The following SRGAP2B variants were observed in gnomAD, a reference collection of about 807,000 sequenced individuals.
The protein encoded by SRGAP2B is SLIT-ROBO Rho GTPase-activating protein 2B.
Under a neutral mutation model 22.2 loss-of-function variants are expected in SRGAP2B, and 9 were observed. The ratio of observed to expected loss-of-function variants is 0.41; its 90% CI spans 0.24 to 0.71. The LOEUF (loss-of-function observed/expected upper bound fraction) is 0.71, where lower values mean the gene tolerates loss of function less well. SRGAP2B is among the 30% of genes least tolerant of loss of function. The pLI, the probability that SRGAP2B is intolerant of heterozygous loss-of-function variation, is 0.35. For missense variants in SRGAP2B, 114 were observed against 235.8 expected (o/e 0.48, Z 3.38); for synonymous variants, 36 against 87.4 (o/e 0.41, Z 3.28).
chr1:144,942,892 T>TA (rs1666164525), intron 4 of SRGAP2B, among the ~76,000 whole-genome samples: 1 of 143,836 alleles, frequency 7.0e-6, no homozygotes, highest in Admixed American at 7.0e-5. Flanking sequence ...TCATGTGATT[T>TA]AAAAAATGTA....
intron 2 of SRGAP2B, among the ~76,000 whole-genome samples, chr1:145,007,688 A>G (rs1170159742): frequency 3.3e-5 from 5 of 150,774 alleles, no homozygotes; most frequent in Non-Finnish European, 7.4e-5. Flanking sequence ...CTATTCTGTA[A>G]AATTTTGTTA....
Position 145,007,515 on chromosome 1 carries a change from G to T in SRGAP2B, c.68-12315C>A, listed in dbSNP as rs1553621320. Among the ~76,000 whole-genome samples, 2 of 150,692 alleles carry T rather than the reference G, an allele frequency of 1.3e-5. 1 individual carries two copies. Among genetic ancestry groups the T allele is most frequent in the Non-Finnish European group, 2.9e-5 (2 of 67,946 alleles). On this transcript the variant is annotated intron_variant, in intron 2 of 9. Transcript: ENST00000612199. ...CATTTCTTCTTGAAGGCAATAGCAG[G>T]AAAAAGTCCATGCCATCATCTAGAG...
chr1:145,094,118 G>A (rs1201751327), intron 1 of SRGAP2B, among the ~76,000 whole-genome samples: 1 of 89,640 alleles, frequency 1.1e-5, no homozygotes, highest in Non-Finnish European at 2.1e-5. Flanking sequence ...TCAAGCTAGG[G>A]ACGATAGTGA....
At chr1:144,904,967 C>T in intron 7 of SRGAP2B, 124 bp downstream of exon 7, 1 of 556,650 alleles carries the variant, frequency 1.8e-6, no homozygotes. Context: ...TGGATCATGG[C>T]TGCTATCTTC....
At chr1:145,008,964 G>T (rs1174559591) in intron 2 of SRGAP2B, among the ~76,000 whole-genome samples, 1 of 149,872 alleles carries the variant, frequency 6.7e-6, no homozygotes, top group Non-Finnish European at 1.5e-5. Flanking sequence ...GAGGTCAGGA[G>T]ATCGAGACCA....
chr1:144,951,617 CAT>C, intron 4 of SRGAP2B, among the ~76,000 whole-genome samples: 1 of 150,466 alleles, frequency 6.6e-6, no homozygotes, highest in African/African-American at 2.5e-5. Context: ...ATACCTGGCA[CAT>C]AGAGGTTCAA....
intron 2 of SRGAP2B, among the ~76,000 whole-genome samples, chr1:145,006,668 A>G (rs1360842257): frequency 1.3e-5 from 2 of 150,966 alleles, no homozygotes; most frequent in African/African-American, 5.0e-5. Flanking sequence ...GGTTTGTTAT[A>G]AGAACTGATT....
chr1:145,012,384 A>C (rs1460727663), intron 2 of SRGAP2B, among the ~76,000 whole-genome samples: 2 of 150,238 alleles, frequency 1.3e-5, no homozygotes, highest in Non-Finnish European at 2.9e-5. Context: ...TGAATTTTTT[A>C]TAACGAGTAT....
chr1:144,975,824 A>G (rs1668855431), intron 3 of SRGAP2B, among the ~76,000 whole-genome samples: 3 of 145,066 alleles, frequency 2.1e-5, no homozygotes. Context: ...CAGTATTAAA[A>G]TCTAGTCAGT....
chr1:144,985,492 G>A (rs1553615797), intron 3 of SRGAP2B, among the ~76,000 whole-genome samples: 2 of 150,928 alleles, frequency 1.3e-5, no homozygotes, highest in African/African-American at 4.9e-5. Context: ...GTAATTTACA[G>A]CAAGTCTATT....
chr1:145,063,830 A>AAAT (rs1651185820), intron 2 of SRGAP2B, among the ~76,000 whole-genome samples: 2 of 150,010 alleles, frequency 1.3e-5, no homozygotes, highest in African/African-American at 2.5e-5. Context: ...TCCCCAGGTG[A>AAAT]CCAGCAGCAT....
At position 144,995,031 on chromosome 1, in the gene SRGAP2B, G is replaced by T. The variant is rs1553618203; in HGVS notation, c.237C>A (p.Cys79Ter). Reference sequence around the variant, plus strand: ...ACTTGAATTGCTGGTCCTTGGTGCTGCATGTCTTGGCCAGGAAGCGTTCTG... The same window carrying T: ...ACTTGAATTGCTGGTCCTTGGTGCTTCATGTCTTGGCCAGGAAGCGTTCTG... The change falls in exon 3 of 10, where the codon TGC (cysteine) becomes TGA (stop). Residue 79 changes from cysteine (C) to a stop codon, truncating the protein, a stop_gained. Transcript: ENST00000612199. LOFTEE classifies it high-confidence loss of function. 2 of 1,543,778 alleles carry T rather than the reference G, an allele frequency of 1.3e-6. No homozygotes were observed. The highest frequency in any genetic ancestry group is 1.7e-6 in the Non-Finnish European group (2 of 1,145,114).
intron 3 of SRGAP2B, among the ~76,000 whole-genome samples, chr1:144,991,345 G>T (rs1270247957): frequency 6.7e-6 from 1 of 150,298 alleles, no homozygotes; most frequent in African/African-American, 2.5e-5. Context: ...AGCACCCTGT[G>T]TTTAGCTCAA....
At chr1:144,952,609 G>C (rs587596785) in intron 4 of SRGAP2B, among the ~76,000 whole-genome samples, 1 of 149,478 alleles carries the variant, frequency 6.7e-6, no homozygotes, top group African/African-American at 2.5e-5. Context: ...TCTCTCTGTT[G>C]CCCAGGCTGG....
intron 3 of SRGAP2B, among the ~76,000 whole-genome samples, chr1:144,973,197 C>T (rs1558793326): frequency 6.7e-6 from 1 of 149,362 alleles, no homozygotes. Flanking sequence ...AAGTATTGTT[C>T]TCAGCTATTT....
chr1:144,909,306 C>G (rs1387901626), intron 5 of SRGAP2B, among the ~76,000 whole-genome samples: 2 of 143,798 alleles, frequency 1.4e-5, no homozygotes, highest in African/African-American at 5.5e-5. Flanking sequence ...GAGAACAGGC[C>G]GGGCATGGTG....
intron 2 of SRGAP2B, among the ~76,000 whole-genome samples, chr1:145,010,529 C>T (rs1571002542): frequency 1.5e-5 from 2 of 134,624 alleles, no homozygotes; most frequent in Admixed American, 1.5e-4. Flanking sequence ...TTAGAGAAAA[C>T]TTTTAGGAAC....
chr1:144,911,975 G>A, intron 5 of SRGAP2B, among the ~76,000 whole-genome samples: 1 of 126,816 alleles, frequency 7.9e-6, no homozygotes, highest in East Asian at 2.2e-4. Context: ...TTTTGAGACA[G>A]AGTCTCGCTC....
intron 2 of SRGAP2B, among the ~76,000 whole-genome samples, chr1:145,013,087 A>G (rs1390410889): frequency 2.0e-5 from 3 of 150,962 alleles, no homozygotes; most frequent in African/African-American, 7.4e-5. Context: ...TGTCTCCAAA[A>G]AAAAGTGTGA....
Sources: allele counts gnomAD v4.1 joint callset (sites outside exome capture counted in the v4.1 genomes callset), GRCh38; gene constraint gnomAD v4.1.1; transcripts MANE v1.5; gene names NCBI Gene and HGNC (gene_info 2026-07-23, HGNC 2026-07-21).